The following SUSD5 variants were observed in gnomAD, a reference collection of about 807,000 sequenced individuals.
SUSD5 encodes the protein sushi domain containing 5.
In SUSD5, 33 loss-of-function variants were observed where a neutral mutation model predicts 29.5. That is an observed-to-expected ratio of 1.12 (90% confidence interval 0.85 to 1.49). The LOEUF is 1.49. Among genes scored for constraint, SUSD5 ranks in the 40% most tolerant of loss-of-function variants. The pLI is 0.00. For missense variants in SUSD5, 776 were observed against 800.6 expected (o/e 0.97, Z 0.37); for synonymous variants, 308 against 325.3 (o/e 0.95, Z 0.57).
At chr3:33,182,960 G>A (rs2031702719) in intron 3 of SUSD5, among the ~76,000 whole-genome samples, 1 of 139,684 alleles carries the variant, frequency 7.2e-6, no homozygotes, top group Non-Finnish European at 1.6e-5. Flanking sequence ...CTAATTTTTT[G>A]TATTTTTTTT....
rs368594387 is a variant in SUSD5 at position 33,204,512 on chromosome 3, A to G, written c.409+3296T>C. 2.0e-5 allele frequency among the ~76,000 whole-genome samples: 3 copies of G among 151,992 alleles called. No individual in the cohort carries two copies. The highest frequency in any genetic ancestry group is 7.2e-5 in the African/African-American group (3 of 41,512). On this transcript the variant is annotated intron_variant, in intron 3 of 4. Coordinates refer to ENST00000309558, the MANE Select transcript of SUSD5 (RefSeq NM_015551.2). This position sits in a 1 kb window ranked among gnomAD's most constrained non-coding sequence, Gnocchi z 4.5. ...ATTTTTTTGTATTTTTAGTAGAGACAGGGTTTCACCATGTTAGCCAGGATG... is the reference window on the plus strand; with the variant it reads ...ATTTTTTTGTATTTTTAGTAGAGACGGGGTTTCACCATGTTAGCCAGGATG...
chr3:33,192,528 C>A (rs926206075), intron 3 of SUSD5, among the ~76,000 whole-genome samples: 2 of 151,918 alleles, frequency 1.3e-5, no homozygotes, highest in Admixed American at 1.3e-4. Context: ...ATACAATAAT[C>A]CAGGCTAGGT....
At chr3:33,215,079 C>T (rs1425061789) in intron 1 of SUSD5, among the ~76,000 whole-genome samples, 1 of 151,606 alleles carries the variant, frequency 6.6e-6, no homozygotes, top group Non-Finnish European at 1.5e-5. Context: ...AGCTTTGGAA[C>T]CAAAAGTTAT....
intron 4 of SUSD5, among the ~76,000 whole-genome samples, chr3:33,164,661 A>T (rs2031267363): frequency 6.6e-6 from 1 of 152,164 alleles, no homozygotes; most frequent in African/African-American, 2.4e-5. Context: ...AATATAAAGG[A>T]CTCCTACAAA....
chr3:33,164,080 A>C (rs1245991324), intron 4 of SUSD5, among the ~76,000 whole-genome samples: 1 of 152,180 alleles, frequency 6.6e-6, no homozygotes. Flanking sequence ...AGGCTGAGAC[A>C]GGAGAATCAC....
At chr3:33,174,081 G>A (rs1042400062) in intron 4 of SUSD5, among the ~76,000 whole-genome samples, 2 of 152,190 alleles carry the variant, frequency 1.3e-5, no homozygotes, top group African/African-American at 4.8e-5. Context: ...GGAACTCAGT[G>A]TCCACTAGGA....
At chr3:33,197,626 T>TCC (rs2032019996) in intron 3 of SUSD5, among the ~76,000 whole-genome samples, 1 of 152,160 alleles carries the variant, frequency 6.6e-6, no homozygotes, top group Non-Finnish European at 1.5e-5. Context: ...CTAGACACCC[T>TCC]CCCCTACTCC....
intron 4 of SUSD5, among the ~76,000 whole-genome samples, chr3:33,156,911 G>A (rs2031067172): frequency 6.6e-6 from 1 of 152,206 alleles, no homozygotes; most frequent in South Asian, 2.1e-4. Context: ...GGGAAACAGT[G>A]GATGAAGAGC....
chr3:33,197,858 T>C (rs2032023851), intron 3 of SUSD5, among the ~76,000 whole-genome samples: 1 of 152,218 alleles, frequency 6.6e-6, no homozygotes, highest in South Asian at 2.1e-4. Flanking sequence ...CATATTTTGA[T>C]CCATTCATCA....
chr3:33,153,833 CA>C lies in SUSD5; in HGVS notation c.798del (p.Phe266LeufsTer62). ...GCACCAGGCAAGCCTGTGGTTGGCACAAAGACTTTATCCCGGGCTATGTTTT... is the reference window on the plus strand; with the variant it reads ...GCACCAGGCAAGCCTGTGGTTGGCACAAGACTTTATCCCGGGCTATGTTTT... ...GRENIARDKV[F>X]VPTTGLPGAG... On this transcript the variant is annotated frameshift_variant, in exon 5 of 5. Coordinates refer to ENST00000309558, the MANE Select transcript of SUSD5 (RefSeq NM_015551.2). LOFTEE classifies it low-confidence loss of function (END_TRUNC). The C allele has an allele frequency of 6.2e-7, 1 of 1,613,982 alleles. No homozygotes were observed. The highest frequency in any genetic ancestry group is 8.5e-7 in the Non-Finnish European group (1 of 1,179,858).
intron 3 of SUSD5, among the ~76,000 whole-genome samples, chr3:33,196,240 C>A (rs967950854): frequency 6.6e-6 from 1 of 152,142 alleles, no homozygotes; most frequent in Non-Finnish European, 1.5e-5. Context: ...AGGGGAAAAA[C>A]AAAATGCTCA....
intron 3 of SUSD5, among the ~76,000 whole-genome samples, chr3:33,180,043 CAAT>C (rs1260973579): frequency 1.3e-5 from 2 of 152,084 alleles, no homozygotes; most frequent in Non-Finnish European, 2.9e-5. Flanking sequence ...ACAAAATACT[CAAT>C]AATGATACTA....
chr3:33,156,273 T>C (rs1229724230), intron 4 of SUSD5, among the ~76,000 whole-genome samples: 1 of 152,120 alleles, frequency 6.6e-6, no homozygotes, highest in East Asian at 1.9e-4. Flanking sequence ...ATTCCTGACC[T>C]TGTGATCCGC....
At chr3:33,154,099 AAAGG>A (rs1236940704) in intron 4 of SUSD5, 66 bp from the exon 5 acceptor site, 1 of 1,302,722 alleles carries the variant, frequency 7.7e-7, no homozygotes, top group Non-Finnish European at 1.0e-6. Context: ...GAACATAAGA[AAAGG>A]AAATTAAAAG....
intron 4 of SUSD5, among the ~76,000 whole-genome samples, chr3:33,169,578 G>A (rs1168589453): frequency 2.6e-5 from 4 of 152,156 alleles, no homozygotes; most frequent in African/African-American, 9.7e-5. Flanking sequence ...CAATAGAGTT[G>A]TTGAAAAAGC....
chr3:33,178,116 TTTTG>T (rs2031590247), intron 3 of SUSD5, among the ~76,000 whole-genome samples: 1 of 152,164 alleles, frequency 6.6e-6, no homozygotes, highest in Non-Finnish European at 1.5e-5. Context: ...TTTGTTTTGT[TTTTG>T]TTTTTGTTTT....
chr3:33,217,726 C>T (rs1027938928), intron 1 of SUSD5, among the ~76,000 whole-genome samples: 3 of 151,636 alleles, frequency 2.0e-5, no homozygotes, highest in African/African-American at 7.3e-5. Flanking sequence ...TAGTTTCACT[C>T]AATATCGTTG....
chr3:33,192,347 C>T (rs1394105828), intron 3 of SUSD5, among the ~76,000 whole-genome samples: 2 of 150,828 alleles, frequency 1.3e-5, no homozygotes, highest in Non-Finnish European at 3.0e-5. Context: ...CCCACCTTGG[C>T]CTCCCAAAGT....
intron 4 of SUSD5, among the ~76,000 whole-genome samples, chr3:33,156,434 A>G (rs1464345911): frequency 6.6e-6 from 1 of 152,194 alleles, no homozygotes; most frequent in Non-Finnish European, 1.5e-5. Context: ...CTGAATAAGA[A>G]GCAATAGAGC....
Sources: gnomAD v4.1 joint callset for allele counts (sites outside exome capture counted in the v4.1 genomes callset) on GRCh38, gnomAD v4.1.1 for gene constraint, Gnocchi (gnomAD v3.1) non-coding constraint, MANE v1.5 for transcripts, NCBI Gene and HGNC (gene_info 2026-07-23, HGNC 2026-07-21) for gene names.